The following NEK6 variants were observed in gnomAD, a reference collection of about 807,000 sequenced individuals.
NEK6 encodes serine/threonine-protein kinase Nek6.
Under a neutral mutation model 43.5 loss-of-function variants are expected in NEK6, and 27 were observed. That is an observed-to-expected ratio of 0.62 (90% CI 0.46 to 0.86). The LOEUF (loss-of-function observed/expected upper bound fraction) is 0.86, where lower values mean the gene tolerates loss of function less well. Ranked by LOEUF, NEK6 falls within the 40% of genes least tolerant of loss-of-function variation. NEK6 has a pLI of 0.00. For missense variants in NEK6, 318 were observed against 414.4 expected, an observed-to-expected ratio of 0.77 and a Z score of 2.02; for synonymous variants, 167 against 164.1, an observed-to-expected ratio of 1.02 and a Z score of -0.14.
At chr9:124,273,356 G>T (rs148143385) in intron 1 of NEK6, among the ~76,000 whole-genome samples, 3 of 152,324 alleles carry the variant, frequency 2.0e-5, no homozygotes, top group South Asian at 4.1e-4. Flanking sequence ...GATCCCGAAT[G>T]GGGGAGGGGA....
In NEK6 at chr9:124,327,376, G is replaced by A. The variant is rs779146612; in HGVS notation, c.553G>A (p.Val185Ile). 1.5e-5 allele frequency: 24 copies of A among 1,613,758 alleles called. No individual in the cohort carries two copies. The highest frequency in any genetic ancestry group is 8.0e-5 in the African/African-American group (6 of 74,900). ...CAACGTGTTCATCACAGCCACGGGC[G>A]TCGTGAAGCTCGGTGACCTTGGTCT... ...PANVFITATG[V>I]VKLGDLGLGR... The change falls in exon 7 of 10, where the codon GTC (valine) becomes ATC (isoleucine). Residue 185 changes from valine (V) to isoleucine (I), a missense_variant. Physicochemically the swap from Val to Ile is conservative, Grantham distance 29. Transcript: ENST00000320246.
Position 124,327,275 on chromosome 9 carries a change from C to T in NEK6, c.515-63C>T, listed in dbSNP as rs577532841. ...GCCTCACCTTCCTCCCCCTTCCTCT[C>T]GTCCTGCCCCACCTACCCCAAGCCT... On this transcript the variant is annotated intron_variant, in intron 6 of 9. Coordinates refer to ENST00000320246, the MANE Select transcript of NEK6 (RefSeq NM_014397.6). 2.3e-4 allele frequency: 311 copies of T among 1,359,010 alleles called. 1 individual carries two copies. In the African/African-American group the frequency reaches 3.1e-3, roughly 14 times the overall value. 84.2% of individuals were successfully genotyped at this position (1,359,010 alleles called of 1,614,324 possible). A position where few individuals can be genotyped will look rare whatever the true frequency, so the allele number is the denominator to read the frequency against.
intron 2 of NEK6, among the ~76,000 whole-genome samples, chr9:124,310,251 A>C (rs1443246893): frequency 1.3e-5 from 2 of 152,242 alleles, no homozygotes; most frequent in Non-Finnish European, 2.9e-5. Flanking sequence ...GCCCACTCAC[A>C]GGGTTGTTCT....
intron 1 of NEK6, 81 bp downstream of exon 1, chr9:124,258,166 C>A: frequency 1.0e-6 from 1 of 975,188 alleles, no homozygotes; most frequent in Non-Finnish European, 1.2e-6. Flanking sequence ...GGGGCCGTCA[C>A]CCCCAGCCGG....
chr9:124,339,538 GC>G (rs780235193), intron 7 of NEK6, 32 bp from the exon 8 acceptor site: 12 of 1,512,620 alleles, frequency 7.9e-6, no homozygotes, highest in Non-Finnish European at 1.1e-5. Context: ...CCTACATGGA[GC>G]ATAAGCAGCC....
At chr9:124,335,115 G>A (rs1013824608) in intron 7 of NEK6, among the ~76,000 whole-genome samples, 10 of 152,148 alleles carry the variant, frequency 6.6e-5, no homozygotes, top group Non-Finnish European at 1.3e-4. Context: ...TGTCCAACCT[G>A]TAGGCACATC....
At chr9:124,288,592 A>G (rs1832261921) in intron 1 of NEK6, among the ~76,000 whole-genome samples, 2 of 152,134 alleles carry the variant, frequency 1.3e-5, no homozygotes, top group African/African-American at 4.8e-5. Context: ...CCCAGTACCC[A>G]CATTTATTAA....
chr9:124,281,179 ACCAGGAAATCAC>A (rs959913375), intron 1 of NEK6, among the ~76,000 whole-genome samples: 65 of 152,224 alleles, frequency 4.3e-4, no homozygotes, highest in Non-Finnish European at 7.5e-4. Context: ...CTTCCCTCAG[ACCAGGAAATCAC>A]CCAGTACTCC....
chr9:124,348,405 C>T (rs749829613), intron 9 of NEK6, among the ~76,000 whole-genome samples: 9 of 152,162 alleles, frequency 5.9e-5, no homozygotes, highest in Non-Finnish European at 1.2e-4. Context: ...TCTTATTCCT[C>T]GGCTCCGTCA....
intron 7 of NEK6, among the ~76,000 whole-genome samples, chr9:124,337,221 G>A (rs917289062): frequency 6.6e-6 from 1 of 152,138 alleles, no homozygotes; most frequent in Non-Finnish European, 1.5e-5. Context: ...TATGTGCCCT[G>A]CTGCCCAGAG....
intron 7 of NEK6, among the ~76,000 whole-genome samples, chr9:124,329,578 T>C (rs144721683): frequency 0.012 from 1,881 of 152,324 alleles, 27 homozygotes; most frequent in Non-Finnish European, 0.019. Flanking sequence ...GAAGGAGCCC[T>C]CCTGGGGCCT....
intron 1 of NEK6, among the ~76,000 whole-genome samples, chr9:124,276,992 AGATGG>A (rs1831675215): frequency 1.3e-5 from 2 of 151,904 alleles, no homozygotes; most frequent in South Asian, 4.2e-4. Context: ...AAGGAAGGGG[AGATGG>A]GGTCTTAGGA....
At chr9:124,273,775 G>A (rs761753968) in intron 1 of NEK6, among the ~76,000 whole-genome samples, 7 of 152,192 alleles carry the variant, frequency 4.6e-5, no homozygotes, top group South Asian at 4.1e-4. Context: ...GCAGGGGAGC[G>A]TAATCTTCAG....
chr9:124,345,804 T>C (rs1053313548), intron 8 of NEK6, among the ~76,000 whole-genome samples: 1 of 152,192 alleles, frequency 6.6e-6, no homozygotes, highest in African/African-American at 2.4e-5. Context: ...GAGTCTCAGC[T>C]GCTCTCTGTT....
At chr9:124,292,150 G>A (rs894517279) in intron 1 of NEK6, 20 of 1,220,192 alleles carry the variant, frequency 1.6e-5, no homozygotes, top group South Asian at 1.9e-5. Flanking sequence ...TGTGTCCAGC[G>A]AGGGATGGGG....
intron 8 of NEK6, among the ~76,000 whole-genome samples, chr9:124,344,859 G>A (rs1286683022): frequency 1.3e-5 from 2 of 152,204 alleles, no homozygotes; most frequent in East Asian, 1.9e-4. Flanking sequence ...ACGCCGCTTT[G>A]GAATGCTGCT....
chr9:124,347,344 G>A (rs1051173792), intron 8 of NEK6, among the ~76,000 whole-genome samples: 3 of 152,214 alleles, frequency 2.0e-5, no homozygotes, highest in Admixed American at 6.5e-5. Context: ...GAAAAATCGC[G>A]TTTTATGGAA....
chr9:124,313,264 G>A (rs868675262), intron 3 of NEK6, among the ~76,000 whole-genome samples: 11 of 152,276 alleles, frequency 7.2e-5, no homozygotes, highest in African/African-American at 1.7e-4. Context: ...GAGGAGGGCC[G>A]GGAGAGAGAA....
rs1256104620 is a variant in NEK6, at chr9:124,351,433, A to G, written c.*486A>G. On this transcript the variant is annotated 3_prime_UTR_variant, in exon 10 of 10. Transcript: ENST00000320246. ...TAATTTACTCTGTTGTAAAGGGATA[A>G]AGTGGAAATCATTTTTTTCCGTGGA... 3 of 152,746 alleles carry G rather than the reference A, an allele frequency of 2.0e-5. No homozygotes were observed. The highest frequency in any genetic ancestry group is 4.8e-5 in the African/African-American group (2 of 41,460). The allele number at this position is 152,746 out of a possible 1,614,324, so 9.5% of individuals were successfully genotyped here. A position where few individuals can be genotyped will look rare whatever the true frequency, so the allele number is the denominator to read the frequency against.
Sources: gnomAD v4.1 joint callset for allele counts (sites outside exome capture counted in the v4.1 genomes callset) on GRCh38, gnomAD v4.1.1 for gene constraint, MANE v1.5 for transcripts, NCBI Gene and HGNC (gene_info 2026-07-23, HGNC 2026-07-21) for gene names.